Variants in ZFYVE9 observed in about 807,000 individuals in gnomAD.
ZFYVE9 encodes zinc finger FYVE domain-containing protein 9.
Under a neutral mutation model 126.7 loss-of-function variants are expected in ZFYVE9, and 43 were observed. The ratio of observed to expected loss-of-function variants is 0.34; its 90% CI spans 0.27 to 0.44. The LOEUF (loss-of-function observed/expected upper bound fraction) is 0.44, where lower values mean the gene tolerates loss of function less well. Among genes scored for constraint, ZFYVE9 ranks in the 20% least tolerant of loss-of-function variants. The pLI, the probability that ZFYVE9 is intolerant of heterozygous loss-of-function variation, is 1.00. For missense variants in ZFYVE9, 1,476 were observed against 1,697.0 expected, an observed-to-expected ratio of 0.87 and a Z score of 2.29; for synonymous variants, 521 against 597.4, an observed-to-expected ratio of 0.87 and a Z score of 1.87.
chr1:52,159,881 C>T lies in ZFYVE9; in HGVS notation c.-143+17478C>T, dbSNP rs11205936. ...CGAGATCTCGGCTCACTGCAAGCTC[C>T]GCCTCCCAGGTTCACGCTGTTCTCC... On this transcript the variant is annotated intron_variant, in intron 1 of 18. Coordinates refer to ENST00000287727, the MANE Select transcript of ZFYVE9 (RefSeq NM_004799.4). 0.017 allele frequency among the ~76,000 whole-genome samples: 2,648 copies of T among 151,858 alleles called. 214 individuals carry two copies. In the East Asian group the frequency reaches 0.26, roughly 15 times the overall value.
Position 52,266,927 on chromosome 1 carries a change from G to T in ZFYVE9, c.2455+96G>T, listed in dbSNP as rs748225119. On this transcript the variant is annotated intron_variant, in intron 6 of 18. Coordinates refer to ENST00000287727, the MANE Select transcript of ZFYVE9 (RefSeq NM_004799.4). Reference sequence around the variant, plus strand: ...TACAGCACAAGTCTTAAAAAACACTGCAGATAAGTCTCTTTGGGTGGTTAT... The same window carrying T: ...TACAGCACAAGTCTTAAAAAACACTTCAGATAAGTCTCTTTGGGTGGTTAT... 665 of 1,187,080 alleles carry T rather than the reference G, an allele frequency of 5.6e-4. 1 individual carries two copies. Among genetic ancestry groups the T allele is most frequent in the Non-Finnish European group, 7.3e-4 (638 of 873,166 alleles). The allele number at this position is 1,187,080 out of a possible 1,614,324, so 73.5% of individuals were successfully genotyped here. A position where few individuals can be genotyped will look rare whatever the true frequency, so the allele number is the denominator to read the frequency against.
intron 8 of ZFYVE9, among the ~76,000 whole-genome samples, chr1:52,275,142 G>A (rs1214375631): frequency 1.3e-5 from 2 of 152,044 alleles, no homozygotes; most frequent in Non-Finnish European, 2.9e-5. Flanking sequence ...TGCCAATCTG[G>A]TACATGGATA....
At chr1:52,229,867 A>C (rs1031903737) in intron 2 of ZFYVE9, among the ~76,000 whole-genome samples, 2 of 148,158 alleles carry the variant, frequency 1.3e-5, no homozygotes, top group Non-Finnish European at 3.0e-5. Flanking sequence ...GCTCACAGAC[A>C]CTTTTTTTTT....
intron 2 of ZFYVE9, among the ~76,000 whole-genome samples, chr1:52,226,732 T>A (rs1425801825): frequency 6.6e-6 from 1 of 152,150 alleles, no homozygotes; most frequent in Admixed American, 6.5e-5. Context: ...TCAACATATG[T>A]AAGATGAACA....
chr1:52,317,453 G>C (rs1182562623), intron 13 of ZFYVE9, among the ~76,000 whole-genome samples: 1 of 149,464 alleles, frequency 6.7e-6, no homozygotes, highest in South Asian at 2.1e-4. Flanking sequence ...TTGCACTCCA[G>C]CCTGGGTGAC....
At chr1:52,302,131 T>A (rs1290808235) in intron 12 of ZFYVE9, among the ~76,000 whole-genome samples, 1 of 152,224 alleles carries the variant, frequency 6.6e-6, no homozygotes, top group Non-Finnish European at 1.5e-5. Context: ...TCTGGCTCCG[T>A]TTCCATGGAT....
At chr1:52,168,218 T>C (rs1253922237) in intron 1 of ZFYVE9, among the ~76,000 whole-genome samples, 1 of 132,214 alleles carries the variant, frequency 7.6e-6, no homozygotes, top group Admixed American at 7.4e-5. Flanking sequence ...CGTCTTCTTT[T>C]TTTTTTTTTT....
At chr1:52,321,592 A>G (rs1400511608) in intron 13 of ZFYVE9, among the ~76,000 whole-genome samples, 2 of 152,228 alleles carry the variant, frequency 1.3e-5, no homozygotes, top group Non-Finnish European at 2.9e-5. Context: ...TGCCCAGGAT[A>G]GTACTGTCTT....
At chr1:52,154,799 A>G (rs1644386689) in intron 1 of ZFYVE9, among the ~76,000 whole-genome samples, 1 of 151,912 alleles carries the variant, frequency 6.6e-6, no homozygotes, top group Admixed American at 6.6e-5. Context: ...TTCCCTTTTC[A>G]TTGTCAAGGT....
intron 1 of ZFYVE9, among the ~76,000 whole-genome samples, chr1:52,209,516 C>T (rs1410790117): frequency 6.6e-6 from 1 of 152,104 alleles, no homozygotes; most frequent in African/African-American, 2.4e-5. Flanking sequence ...TCCCCAGCCC[C>T]TGGCAACACT....
At chr1:52,338,012 T>C (rs1051098422) in intron 16 of ZFYVE9, 78 bp downstream of exon 16, 8 of 1,471,816 alleles carry the variant, frequency 5.4e-6, no homozygotes, top group Non-Finnish European at 6.4e-6. Flanking sequence ...TCTACATTGG[T>C]GTTTTATAGT....
intron 10 of ZFYVE9, among the ~76,000 whole-genome samples, chr1:52,285,318 TGG>T (rs1336642394): frequency 6.6e-6 from 1 of 152,198 alleles, no homozygotes; most frequent in Non-Finnish European, 1.5e-5. Flanking sequence ...AAGCATATTT[TGG>T]GTGTTCTAAA....
At chr1:52,193,820 G>A (rs1440808554) in intron 1 of ZFYVE9, among the ~76,000 whole-genome samples, 1 of 151,010 alleles carries the variant, frequency 6.6e-6, no homozygotes, top group Non-Finnish European at 1.5e-5. Context: ...ACACACACAT[G>A]TGTCCAAGGA....
chr1:52,163,687 A>G (rs1644483615), intron 1 of ZFYVE9, among the ~76,000 whole-genome samples: 1 of 152,154 alleles, frequency 6.6e-6, no homozygotes. Flanking sequence ...CCAAATCATT[A>G]ATAAAAATGT....
In ZFYVE9 at chr1:52,301,365, A is replaced by C. The variant is rs1284132499; in HGVS notation, c.3334-2456A>C. 2.1e-5 allele frequency among the ~76,000 whole-genome samples: 3 copies of C among 141,230 alleles called. No homozygotes were observed. In the Admixed American group the frequency reaches 2.3e-4, roughly 11 times the overall value. 92.7% of individuals were successfully genotyped at this position (141,230 alleles called of 152,430 possible). ...TGCCCAGGCTGGAGTGCAGTGGCAC[A>C]ATCACGGCTCACTGCACCCTTGACC... On this transcript the variant is annotated intron_variant, in intron 12 of 18. Transcript: ENST00000287727.
chr1:52,245,953 G>A (rs925835687), intron 4 of ZFYVE9, among the ~76,000 whole-genome samples: 2 of 152,010 alleles, frequency 1.3e-5, no homozygotes, highest in Non-Finnish European at 2.9e-5. Flanking sequence ...TTGGAGACAG[G>A]GTCTCACTCT....
At chr1:52,168,981 T>G (rs775065360) in intron 1 of ZFYVE9, among the ~76,000 whole-genome samples, 1 of 152,186 alleles carries the variant, frequency 6.6e-6, no homozygotes, top group Non-Finnish European at 1.5e-5. Context: ...TTCCCTCCCT[T>G]AATCTGTGCT....
intron 1 of ZFYVE9, among the ~76,000 whole-genome samples, chr1:52,172,273 CTTGT>C (rs1018031053): frequency 1.2e-3 from 179 of 152,266 alleles, no homozygotes; most frequent in African/African-American, 4.2e-3. Flanking sequence ...TTCCCCATTG[CTTGT>C]TTATCTCAGA....
chr1:52,175,294 G>A lies in ZFYVE9; in HGVS notation c.-143+32891G>A, dbSNP rs1388006276. Among the ~76,000 whole-genome samples the A allele has an allele frequency of 2.7e-5, 4 of 150,102 alleles. No individual in the cohort carries two copies. The East Asian group carries it at 7.8e-4, about 29-fold the overall frequency. Reference sequence around the variant, plus strand: ...AGTTTGGCTGGATATGAAATTCTGGGTTGAAAATTCTTTTCTTTAAGAATG... The same window carrying A: ...AGTTTGGCTGGATATGAAATTCTGGATTGAAAATTCTTTTCTTTAAGAATG... On this transcript the variant is annotated intron_variant, in intron 1 of 18. Transcript: ENST00000287727.
Sources: gnomAD v4.1 joint callset for allele counts (sites outside exome capture counted in the v4.1 genomes callset) on GRCh38, gnomAD v4.1.1 for gene constraint, MANE v1.5 for transcripts, NCBI Gene and HGNC (gene_info 2026-07-23, HGNC 2026-07-21) for gene names.